The following GMDS variants were observed in gnomAD, a reference collection of about 807,000 sequenced individuals.
The protein encoded by GMDS is GDP-mannose 4,6-dehydratase.
Under a neutral mutation model 49.9 loss-of-function variants are expected in GMDS, and 20 were observed. The observed-to-expected ratio is 0.40, with a 90% CI of 0.28 to 0.58. GMDS has a LOEUF of 0.58. Ranked by LOEUF, GMDS falls within the 20% of genes least tolerant of loss-of-function variation. The probability of loss-of-function intolerance (pLI) is 0.42; values close to 1 mark genes in which losing one functional copy is unlikely to be tolerated. For synonymous variants in GMDS, 177 were observed against 178.6 expected (o/e 0.99, Z 0.07); for missense variants, 362 against 481.4 (o/e 0.75, Z 2.32).
intron 9 of GMDS, among the ~76,000 whole-genome samples, chr6:1,657,587 A>G (rs1009080669): frequency 6.6e-6 from 1 of 152,216 alleles, no homozygotes; most frequent in Admixed American, 6.5e-5. Context: ...AGACATAGGC[A>G]TTTATTAACT....
intron 7 of GMDS, among the ~76,000 whole-genome samples, chr6:1,847,654 A>C (rs1757469932): frequency 6.6e-6 from 1 of 152,194 alleles, no homozygotes; most frequent in Non-Finnish European, 1.5e-5. Flanking sequence ...CCTATGTTTC[A>C]TAGATAGAAA....
At chr6:2,217,559 C>G (rs1045234110) in intron 1 of GMDS, among the ~76,000 whole-genome samples, 4 of 152,142 alleles carry the variant, frequency 2.6e-5, no homozygotes, top group Non-Finnish European at 4.4e-5. Flanking sequence ...CCTCCCAACT[C>G]TGTTTTAAAT....
At chr6:2,103,085 C>G (rs1774016600) in intron 4 of GMDS, among the ~76,000 whole-genome samples, 1 of 152,096 alleles carries the variant, frequency 6.6e-6, no homozygotes, top group African/African-American at 2.4e-5. Flanking sequence ...AAGCAACAGC[C>G]AGAATATGTT....
At chr6:1,701,491 C>A (rs1014127929) in intron 9 of GMDS, among the ~76,000 whole-genome samples, 1 of 151,952 alleles carries the variant, frequency 6.6e-6, no homozygotes, top group Non-Finnish European at 1.5e-5. Context: ...CATTCATCGA[C>A]AGAGCAACTT....
At chr6:2,104,939 T>C (rs1476473157) in intron 4 of GMDS, among the ~76,000 whole-genome samples, 2 of 151,944 alleles carry the variant, frequency 1.3e-5, no homozygotes, top group African/African-American at 2.4e-5. Flanking sequence ...TCCCAGCACT[T>C]TGGGAGGCTG....
At chr6:1,870,215 C>T (rs1758659396) in intron 7 of GMDS, among the ~76,000 whole-genome samples, 1 of 152,218 alleles carries the variant, frequency 6.6e-6, no homozygotes, top group Non-Finnish European at 1.5e-5. Context: ...TGCTGGATGA[C>T]ACCCCATGAT....
At chr6:1,860,438 TAG>T (rs1379822008) in intron 7 of GMDS, among the ~76,000 whole-genome samples, 2 of 151,990 alleles carry the variant, frequency 1.3e-5, no homozygotes, top group Non-Finnish European at 2.9e-5. Context: ...CAGAAAACAT[TAG>T]AGATTATAAG....
intron 7 of GMDS, among the ~76,000 whole-genome samples, chr6:1,870,078 A>G (rs566464539): frequency 2.0e-5 from 3 of 152,230 alleles, no homozygotes; most frequent in Non-Finnish European, 4.4e-5. Flanking sequence ...TAGGAAGACC[A>G]TGCCAGGACA....
chr6:1,728,231 A>AT (rs891735881), intron 8 of GMDS, among the ~76,000 whole-genome samples: 12 of 152,232 alleles, frequency 7.9e-5, no homozygotes, highest in African/African-American at 2.2e-4. Context: ...CATTATTATT[A>AT]TTTTTTTTAA....
intron 4 of GMDS, among the ~76,000 whole-genome samples, chr6:2,102,702 C>A (rs901798927): frequency 1.3e-5 from 2 of 152,062 alleles, no homozygotes; most frequent in Admixed American, 6.5e-5. Flanking sequence ...TTTTAAACAA[C>A]CTTTTAATCT....
intron 1 of GMDS, among the ~76,000 whole-genome samples, chr6:2,226,396 T>G (rs968690170): frequency 1.3e-5 from 2 of 152,236 alleles, no homozygotes; most frequent in Non-Finnish European, 2.9e-5. Context: ...CTATGATAAC[T>G]GTCCATAAGG....
At chr6:1,880,503 G>A (rs1742204942) in intron 7 of GMDS, among the ~76,000 whole-genome samples, 1 of 152,050 alleles carries the variant, frequency 6.6e-6, no homozygotes, top group South Asian at 2.1e-4. Context: ...AGTGAGCTAC[G>A]TTGAGGGCTT....
At chr6:2,192,883 C>A (rs1779108628) in intron 1 of GMDS, among the ~76,000 whole-genome samples, 1 of 152,190 alleles carries the variant, frequency 6.6e-6, no homozygotes, top group South Asian at 2.1e-4. Flanking sequence ...CCAGCAGGCC[C>A]AAACAAAAGT....
intron 1 of GMDS, among the ~76,000 whole-genome samples, chr6:2,125,167 G>A (rs1031087419): frequency 1.3e-5 from 2 of 152,210 alleles, no homozygotes; most frequent in Admixed American, 1.3e-4. Flanking sequence ...GTCAGGCACA[G>A]TTGCTCACAC....
intron 4 of GMDS, among the ~76,000 whole-genome samples, chr6:2,103,177 C>T (rs193280496): frequency 7.9e-5 from 12 of 152,264 alleles, no homozygotes; most frequent in Admixed American, 1.3e-4. Context: ...CCTCGCAAAC[C>T]GCATTCCCTT....
At chr6:1,904,590 GAT>G (rs1367679968) in intron 7 of GMDS, among the ~76,000 whole-genome samples, 1 of 152,230 alleles carries the variant, frequency 6.6e-6, no homozygotes, top group Non-Finnish European at 1.5e-5. Flanking sequence ...TGACAGAGCC[GAT>G]AGTAGAGTGC....
chr6:2,178,728 G>C (rs1404617276), intron 1 of GMDS, among the ~76,000 whole-genome samples: 1 of 152,104 alleles, frequency 6.6e-6, no homozygotes, highest in Non-Finnish European at 1.5e-5. Context: ...TAAAATAAAA[G>C]TTTAAATCAA....
chr6:2,110,445 C>A lies in GMDS; in HGVS notation c.345+5326G>T, dbSNP rs376608862. Among the ~76,000 whole-genome samples, 46 of 152,252 alleles carry A rather than the reference C, an allele frequency of 3.0e-4. 1 individual carries two copies. The South Asian group carries it at 5.6e-3, about 19-fold the overall frequency. On this transcript the variant is annotated intron_variant, in intron 4 of 10. Transcript: ENST00000380815. ...ATTCCTATGGCTATTTTTATTCCCA[C>A]CTCCATTCCTTTAACTAGCTTTTCT...
At chr6:1,857,593 C>T (rs1757992710) in intron 7 of GMDS, among the ~76,000 whole-genome samples, 1 of 152,090 alleles carries the variant, frequency 6.6e-6, no homozygotes, top group Admixed American at 6.6e-5. Flanking sequence ...ATATTTGCTT[C>T]CTGTTTGTGA....
Sources: gnomAD v4.1 joint callset for allele counts (sites outside exome capture counted in the v4.1 genomes callset) on GRCh38, gnomAD v4.1.1 for gene constraint, MANE v1.5 for transcripts, NCBI Gene and HGNC (gene_info 2026-07-23, HGNC 2026-07-21) for gene names.